The following COMMD1 variants were observed in gnomAD, a reference collection of about 807,000 sequenced individuals.
COMMD1 encodes COMM domain-containing protein 1.
A neutral mutation model predicts 17.2 loss-of-function variants in COMMD1; 10 were observed. The observed-to-expected ratio is 0.58, with a 90% CI of 0.36 to 0.99. The LOEUF (loss-of-function observed/expected upper bound fraction) is 0.99. Ranked by LOEUF, COMMD1 falls within the 50% of genes least tolerant of loss-of-function variation. COMMD1 has a pLI of 0.01. For missense variants in COMMD1, 270 were observed against 231.8 expected (o/e 1.17, Z -1.07); for synonymous variants, 97 against 91.6 (o/e 1.06, Z -0.34).
intron 1 of COMMD1, among the ~76,000 whole-genome samples, chr2:61,931,886 T>C (rs1177365997): frequency 6.6e-6 from 1 of 152,216 alleles, no homozygotes; most frequent in Admixed American, 6.5e-5. Flanking sequence ...CTTTGAGGAA[T>C]GAGAATTTTG....
chr2:62,065,545 C>T (rs1312311416), intron 2 of COMMD1, among the ~76,000 whole-genome samples: 1 of 151,846 alleles, frequency 6.6e-6, no homozygotes, highest in African/African-American at 2.4e-5. Context: ...CATTGTCTCT[C>T]CTGGGCTCAA....
chr2:61,961,014 A>G (rs951262767), intron 1 of COMMD1, among the ~76,000 whole-genome samples: 1 of 152,180 alleles, frequency 6.6e-6, no homozygotes, highest in Non-Finnish European at 1.5e-5. Flanking sequence ...GGCTGCCGCA[A>G]AGGGCAGTGG....
intron 1 of COMMD1, among the ~76,000 whole-genome samples, chr2:61,990,000 C>T (rs1672204603): frequency 1.3e-5 from 2 of 152,020 alleles, no homozygotes; most frequent in South Asian, 4.2e-4. Context: ...GGAAAGACTT[C>T]ATGGAAAAAG....
At chr2:61,972,724 C>T (rs751369677) in intron 1 of COMMD1, among the ~76,000 whole-genome samples, 1 of 152,214 alleles carries the variant, frequency 6.6e-6, no homozygotes, top group Non-Finnish European at 1.5e-5. Context: ...AATACCTGGT[C>T]AGCACTCCTC....
At chr2:62,030,601 A>T (rs1346836396) in intron 2 of COMMD1, among the ~76,000 whole-genome samples, 1 of 152,202 alleles carries the variant, frequency 6.6e-6, no homozygotes, top group Non-Finnish European at 1.5e-5. Context: ...GATGAGATTC[A>T]GGTTCATTTT....
chr2:62,068,255 G>A (rs1425345327), intron 2 of COMMD1, among the ~76,000 whole-genome samples: 1 of 152,192 alleles, frequency 6.6e-6, no homozygotes, highest in Non-Finnish European at 1.5e-5. Context: ...AGGGGAGCAG[G>A]AGACCTTGAA....
Position 62,008,774 on chromosome 2 carries a change from ATTTG to A in COMMD1, c.462+7800_462+7803del, listed in dbSNP as rs1248791707. On this transcript the variant is annotated intron_variant, in intron 2 of 2. Transcript: ENST00000311832. ...TAAATCATTTTAGAATACATTATTT[ATTTG>A]TTTGTTTATTTATTTACTTACTTAC... Among the ~76,000 whole-genome samples the A allele has an allele frequency of 4.1e-5, 6 of 144,604 alleles. No homozygotes were observed. In the South Asian group the frequency reaches 6.5e-4, roughly 16 times the overall value. 94.9% of individuals were successfully genotyped at this position (144,604 alleles called of 152,430 possible).
At chr2:62,099,574 T>C (rs1332819549) in intron 2 of COMMD1, among the ~76,000 whole-genome samples, 1 of 141,796 alleles carries the variant, frequency 7.1e-6, no homozygotes, top group African/African-American at 2.6e-5. Context: ...TATCTCTCTC[T>C]TTTTTTTTTT....
In COMMD1 at chr2:61,945,421, G is replaced by C. The variant is rs553805842; in HGVS notation, c.180+39563G>C. Among the ~76,000 whole-genome samples the C allele has an allele frequency of 2.8e-4, 43 of 152,312 alleles. No individual in the cohort carries two copies. The South Asian group carries it at 8.7e-3, about 31-fold the overall frequency. Reference sequence around the variant, plus strand: ...GATTCTCTGGTGTGGGGCCTCCCAGGCCTCAGCCAATTATCCTCTTGGTTT... The same window carrying C: ...GATTCTCTGGTGTGGGGCCTCCCAGCCCTCAGCCAATTATCCTCTTGGTTT... On this transcript the variant is annotated intron_variant, in intron 1 of 2. Transcript: ENST00000311832.
intron 1 of COMMD1, among the ~76,000 whole-genome samples, chr2:61,916,103 G>T (rs917351322): frequency 6.6e-5 from 10 of 151,796 alleles, no homozygotes; most frequent in Admixed American, 1.3e-4. Context: ...CGATCTACAG[G>T]TGTGTGGCAC....
intron 2 of COMMD1, among the ~76,000 whole-genome samples, chr2:62,018,979 A>G (rs1445728084): frequency 6.6e-6 from 1 of 150,928 alleles, no homozygotes; most frequent in African/African-American, 2.5e-5. Context: ...ACATGGTAGA[A>G]GAATAGAAGA....
At chr2:61,964,924 T>A (rs1037586262) in intron 1 of COMMD1, among the ~76,000 whole-genome samples, 3 of 152,132 alleles carry the variant, frequency 2.0e-5, no homozygotes, top group Non-Finnish European at 2.9e-5. Context: ...TAGTCCCAGC[T>A]GCTTGGGAGA....
intron 2 of COMMD1, among the ~76,000 whole-genome samples, chr2:62,009,287 A>G (rs924743386): frequency 2.6e-5 from 4 of 152,146 alleles, no homozygotes; most frequent in Non-Finnish European, 5.9e-5. Context: ...ATAGAAGGCA[A>G]TGCTTAAAGT....
chr2:62,008,013 C>T (rs999926435), intron 2 of COMMD1, among the ~76,000 whole-genome samples: 3 of 152,038 alleles, frequency 2.0e-5, no homozygotes, highest in Admixed American at 2.0e-4. Flanking sequence ...GAGACCCCAT[C>T]TCTACAAAAA....
chr2:62,043,937 G>A (rs190788521), intron 2 of COMMD1, among the ~76,000 whole-genome samples: 1 of 152,246 alleles, frequency 6.6e-6, no homozygotes, highest in Admixed American at 6.5e-5. Flanking sequence ...ACTCACTGTG[G>A]CATTGAGGAA....
chr2:61,999,770 C>T (rs937996778), intron 1 of COMMD1, among the ~76,000 whole-genome samples: 12 of 151,998 alleles, frequency 7.9e-5, no homozygotes, highest in Admixed American at 7.2e-4. Context: ...ATCTCCCCGC[C>T]ATAGAACTGG....
In COMMD1 at chr2:62,047,188, C is replaced by G. The variant is rs146801212; in HGVS notation, c.462+46206C>G. 5.1e-4 allele frequency among the ~76,000 whole-genome samples: 77 copies of G among 152,220 alleles called. 1 individual carries two copies. Among genetic ancestry groups the G allele is most frequent in the African/African-American group, 1.8e-3 (73 of 41,544 alleles). On this transcript the variant is annotated intron_variant, in intron 2 of 2. Coordinates refer to ENST00000311832, the MANE Select transcript of COMMD1 (RefSeq NM_152516.4). The stretch of plus-strand genomic sequence containing the variant: ...ACACAGTCATGTATCCCATAATGAT[C>G]TTTTAGTCAATGACAGACTGCATAT...
chr2:61,960,802 G>A (rs777055460), intron 1 of COMMD1, among the ~76,000 whole-genome samples: 4 of 152,018 alleles, frequency 2.6e-5, no homozygotes, highest in Non-Finnish European at 4.4e-5. Flanking sequence ...CTTTGCACTC[G>A]TTCAGCCCCG....
intron 1 of COMMD1, among the ~76,000 whole-genome samples, chr2:61,959,916 A>G (rs1234253287): frequency 1.3e-5 from 2 of 152,162 alleles, no homozygotes; most frequent in African/African-American, 4.8e-5. Context: ...AGGACCTCAC[A>G]TTTTACACTT....
Sources: gnomAD v4.1 joint callset for allele counts (sites outside exome capture counted in the v4.1 genomes callset) on GRCh38, gnomAD v4.1.1 for gene constraint, MANE v1.5 for transcripts, NCBI Gene and HGNC (gene_info 2026-07-23, HGNC 2026-07-21) for gene names.